The following NAV3 variants were observed in gnomAD, a reference collection of about 807,000 sequenced individuals.
NAV3 encodes pore membrane and/or filament interacting like protein 1.
Under a neutral mutation model 244.7 loss-of-function variants are expected in NAV3, and 87 were observed. The ratio of observed to expected loss-of-function variants is 0.36; its 90% CI spans 0.30 to 0.42. The LOEUF is 0.42. Ranked by LOEUF, NAV3 falls within the 20% of genes least tolerant of loss-of-function variation. The pLI is 1.00. For missense variants in NAV3, 2,663 were observed against 2,893.3 expected (o/e 0.92, Z 1.83); for synonymous variants, 1,126 against 1,042.2 (o/e 1.08, Z -1.55).
intron 1 of NAV3, among the ~76,000 whole-genome samples, chr12:77,878,929 T>A (rs758633079): frequency 1.3e-5 from 2 of 152,172 alleles, no homozygotes; most frequent in Non-Finnish European, 2.9e-5. Context: ...CAGTAAGATG[T>A]TTATAGGAAG....
intron 23 of NAV3, among the ~76,000 whole-genome samples, chr12:78,166,858 A>C (rs370699): frequency 0.047 from 7,168 of 151,730 alleles, 199 homozygotes; most frequent in Non-Finnish European, 0.072. Context: ...CTCATTCCCA[A>C]TTTTTTCATT....
At chr12:77,797,721 A>G (rs1871494692) in intron 2 of NAV3, among the ~76,000 whole-genome samples, 3 of 151,270 alleles carry the variant, frequency 2.0e-5, no homozygotes. Flanking sequence ...CGTGCCTGTA[A>G]TCCCAGCCAC....
At chr12:77,959,022 T>C (rs1891626230) in intron 3 of NAV3, among the ~76,000 whole-genome samples, 1 of 152,198 alleles carries the variant, frequency 6.6e-6, no homozygotes, top group Non-Finnish European at 1.5e-5. Flanking sequence ...ACATGAATTA[T>C]ATAGTATTAT....
chr12:77,873,369 TTGTAACAAATGA>T (rs1267681941), intron 1 of NAV3, among the ~76,000 whole-genome samples: 8 of 152,066 alleles, frequency 5.3e-5, no homozygotes, highest in Non-Finnish European at 8.8e-5. Flanking sequence ...TATTGTTACT[TTGTAACAAATGA>T]TGTAACAAAT....
chr12:77,695,388 A>C (rs1180170417), intron 2 of NAV3, among the ~76,000 whole-genome samples: 1 of 152,128 alleles, frequency 6.6e-6, no homozygotes, highest in Non-Finnish European at 1.5e-5. Flanking sequence ...TTTTTCCAGC[A>C]CCATTTATTG....
chr12:77,657,130 G>T (rs971838170), intron 2 of NAV3, among the ~76,000 whole-genome samples: 1 of 152,056 alleles, frequency 6.6e-6, no homozygotes, highest in Admixed American at 6.5e-5. Context: ...AGGAAATAGA[G>T]ACACAAAAAA....
intron 2 of NAV3, among the ~76,000 whole-genome samples, chr12:77,654,317 C>T (rs551726379): frequency 1.8e-4 from 27 of 152,240 alleles, no homozygotes; most frequent in Admixed American, 4.6e-4. Flanking sequence ...GCACCTGGCT[C>T]GGAGGGTCCT....
rs142524574 is a variant in NAV3 at position 77,788,516 on chromosome 12, C to T, written c.73-151803C>T. On this transcript the variant is annotated intron_variant, in intron 2 of 8. Coordinates refer to the NAV3 transcript ENST00000550042. ...GCTAACTTGGATTACATGATCTCTA[C>T]GGTGTCTTTCAGCTCTGAAAGTCTG... 7.2e-5 allele frequency among the ~76,000 whole-genome samples: 11 copies of T among 152,118 alleles called. No homozygotes were observed. In the East Asian group the frequency reaches 9.7e-4, roughly 13 times the overall value.
At chr12:78,152,593 A>G (rs1196349963) in intron 22 of NAV3, among the ~76,000 whole-genome samples, 1 of 151,912 alleles carries the variant, frequency 6.6e-6, no homozygotes, top group East Asian at 1.9e-4. Flanking sequence ...TTTAGTTAAT[A>G]CTTGATTTTT....
In NAV3 at chr12:78,035,259, A is replaced by G. The variant is rs1458351852; in HGVS notation, c.2023+13397A>G. 1.3e-5 allele frequency among the ~76,000 whole-genome samples: 2 copies of G among 152,182 alleles called. 1 individual carries two copies. The highest frequency in any genetic ancestry group is 4.1e-4 in the South Asian group (2 of 4,830). On this transcript the variant is annotated intron_variant, in intron 9 of 39. Coordinates refer to ENST00000397909, the MANE Select transcript of NAV3 (RefSeq NM_001024383.2). ...CACATTAGCTCTGAAAATGATGAAGATAATATCTCTGCATATTTCTCCATT... is the reference window on the plus strand; with the variant it reads ...CACATTAGCTCTGAAAATGATGAAGGTAATATCTCTGCATATTTCTCCATT...
chr12:77,719,242 A>G (rs1416646654), intron 2 of NAV3, among the ~76,000 whole-genome samples: 3 of 152,184 alleles, frequency 2.0e-5, no homozygotes, highest in East Asian at 1.9e-4. Context: ...ATTTATGAGT[A>G]TATCATCTGC....
At chr12:78,010,114 TATTC>T (rs1253463810) in intron 8 of NAV3, among the ~76,000 whole-genome samples, 1 of 152,118 alleles carries the variant, frequency 6.6e-6, no homozygotes, top group Non-Finnish European at 1.5e-5. Flanking sequence ...TATAAAGTAA[TATTC>T]ATTCAAAGTT....
chr12:77,599,393 T>A (rs1221365012), intron 2 of NAV3, among the ~76,000 whole-genome samples: 1 of 151,946 alleles, frequency 6.6e-6, no homozygotes, highest in Non-Finnish European at 1.5e-5. Context: ...GTGCAGGGAA[T>A]ATAACCATAA....
chr12:78,103,894 G>A (rs969965674), intron 12 of NAV3, among the ~76,000 whole-genome samples: 1 of 152,074 alleles, frequency 6.6e-6, no homozygotes, highest in Non-Finnish European at 1.5e-5. Context: ...ATTTGGGTAG[G>A]GACACAGAGC....
intron 23 of NAV3, among the ~76,000 whole-genome samples, chr12:78,163,676 T>C (rs1224729359): frequency 6.6e-6 from 1 of 152,164 alleles, no homozygotes; most frequent in East Asian, 1.9e-4. Flanking sequence ...AGACATGTTA[T>C]ATAATACTAA....
chr12:77,813,112 C>T (rs1416181468), intron 2 of NAV3, among the ~76,000 whole-genome samples: 4 of 152,174 alleles, frequency 2.6e-5, no homozygotes, highest in African/African-American at 9.7e-5. Flanking sequence ...TGTAAGCCAT[C>T]ATGCCTGGCC....
intron 2 of NAV3, among the ~76,000 whole-genome samples, chr12:77,761,403 C>A (rs1311310055): frequency 6.6e-6 from 1 of 152,124 alleles, no homozygotes; most frequent in Non-Finnish European, 1.5e-5. Flanking sequence ...GCTGCTATCT[C>A]CCAACATTGT....
intron 2 of NAV3, among the ~76,000 whole-genome samples, chr12:77,658,967 A>C (rs1873280142): frequency 6.6e-6 from 1 of 152,202 alleles, no homozygotes; most frequent in South Asian, 2.1e-4. Context: ...TTCAAGATGG[A>C]TTAAAGACTT....
chr12:77,879,798 G>C (rs1882393714), intron 1 of NAV3, among the ~76,000 whole-genome samples: 1 of 150,566 alleles, frequency 6.6e-6, no homozygotes, highest in Non-Finnish European at 1.5e-5. Flanking sequence ...TTTTAATGTT[G>C]GCTAGCTATA....
Sources: allele counts gnomAD v4.1 joint callset (sites outside exome capture counted in the v4.1 genomes callset), GRCh38; gene constraint gnomAD v4.1.1; transcripts MANE v1.5; gene names NCBI Gene and HGNC (gene_info 2026-07-23, HGNC 2026-07-21).